The following CELF2 variants were observed in gnomAD, a reference collection of about 807,000 sequenced individuals.
CELF2 encodes CUGBP Elav-like family member 2, also known as CUG triplet repeat RNA-binding protein 2.
In CELF2, 8 loss-of-function variants were observed where a neutral mutation model predicts 62.6. The observed-to-expected ratio is 0.13, with a 90% CI of 0.07 to 0.23. The LOEUF (loss-of-function observed/expected upper bound fraction) is 0.23, where lower values mean the gene tolerates loss of function less well. Ranked by LOEUF, CELF2 falls within the 10% of genes least tolerant of loss-of-function variation. The pLI is 1.00. For synonymous variants in CELF2, 258 were observed against 250.0 expected (o/e 1.03, Z -0.30); for missense variants, 333 against 671.0 (o/e 0.50, Z 5.56).
chr10:10,518,271 C>T, the CELF2 span, among the ~76,000 whole-genome samples: 1 of 152,166 alleles, frequency 6.6e-6, no homozygotes, highest in Non-Finnish European at 1.5e-5. Flanking sequence ...TCTCCTAAGC[C>T]CTGCACTCTA....
chr10:11,060,870 A>G (rs1372039090), intron 1 of CELF2, among the ~76,000 whole-genome samples: 1 of 152,194 alleles, frequency 6.6e-6, no homozygotes, highest in Non-Finnish European at 1.5e-5. Context: ...AACAGTTCCC[A>G]TAGAAGACAG....
chr10:11,172,639 A>T (rs2069310343), intron 2 of CELF2, among the ~76,000 whole-genome samples: 1 of 152,214 alleles, frequency 6.6e-6, no homozygotes. Context: ...CTGGCAGATA[A>T]TACCTATCAT....
At chr10:10,904,394 A>G (rs140143676) in intron 1 of CELF2, among the ~76,000 whole-genome samples, 1 of 151,546 alleles carries the variant, frequency 6.6e-6, no homozygotes, top group African/African-American at 2.4e-5. Flanking sequence ...GCCTGATAAT[A>G]TTTTTATTTT....
the CELF2 span, among the ~76,000 whole-genome samples, chr10:10,561,066 G>A: frequency 6.6e-6 from 1 of 151,982 alleles, no homozygotes; most frequent in African/African-American, 2.4e-5. Context: ...TATGGTACAG[G>A]GTATACTGCT....
At chr10:11,097,994 A>G (rs2142305820) in intron 1 of CELF2, 1 of 152,474 alleles carries the variant, frequency 6.6e-6, no homozygotes, top group Non-Finnish European at 1.5e-5. Flanking sequence ...TGTTCCAGTC[A>G]AAGCCACACT....
chr10:10,646,269 C>G, the CELF2 span, among the ~76,000 whole-genome samples: 1 of 152,200 alleles, frequency 6.6e-6, no homozygotes, highest in Admixed American at 6.5e-5. Context: ...ACCTACTTCA[C>G]AATTTCCCTA....
chr10:10,792,020 C>CGGAGGAAGGAAGGAGGGAGAG, the CELF2 span, among the ~76,000 whole-genome samples: 118 of 103,310 alleles, frequency 1.1e-3, 1 homozygote, highest in African/African-American at 4.5e-3. Context: ...AGGAGGGAGA[C>CGGAGGAAGGAAGGAGGGAGAG]AGGGAGGAAG....
At chr10:10,857,249 C>A (rs2059769645) in intron 1 of CELF2, among the ~76,000 whole-genome samples, 1 of 152,076 alleles carries the variant, frequency 6.6e-6, no homozygotes, top group Admixed American at 6.6e-5. Context: ...AAAGAACAAC[C>A]AGGGATTCTA....
At chr10:10,552,460 T>C in the CELF2 span, among the ~76,000 whole-genome samples, 1 of 152,206 alleles carries the variant, frequency 6.6e-6, no homozygotes, top group African/African-American at 2.4e-5. Context: ...ACAAAACCTC[T>C]TGTGGCTTGT....
rs945775398 is a variant in CELF2 at position 11,220,097 on chromosome 10, A to C, written c.354+2590A>C. ...AAACTAAAAGTGATAAAGAAAAAAT[A>C]CATCACCAGCTGACACTTTAAAGCT... On this transcript the variant is annotated intron_variant, in intron 3 of 12. Transcript: ENST00000633077. The surrounding 1 kb of genome is among the most constrained non-coding windows in gnomAD (Gnocchi z 4.4). Among the ~76,000 whole-genome samples the C allele has an allele frequency of 6.6e-6, 1 of 152,254 alleles. No individual in the cohort carries two copies. Among genetic ancestry groups the C allele is most frequent in the African/African-American group, 2.4e-5 (1 of 41,464 alleles).
chr10:10,489,904 G>A, the CELF2 span, among the ~76,000 whole-genome samples: 3 of 152,018 alleles, frequency 2.0e-5, no homozygotes, highest in African/African-American at 7.2e-5. Context: ...TACAGGTTTG[G>A]GGGGAGGGTG....
At chr10:10,578,962 A>G in the CELF2 span, among the ~76,000 whole-genome samples, 1 of 152,174 alleles carries the variant, frequency 6.6e-6, no homozygotes. Context: ...CTACATCATA[A>G]TCTCCTGATC....
chr10:10,841,731 A>T (rs1380555147), intron 1 of CELF2, among the ~76,000 whole-genome samples: 1 of 152,028 alleles, frequency 6.6e-6, no homozygotes, highest in Admixed American at 6.6e-5. Flanking sequence ...TTTCCTCTTC[A>T]GTATTGTTTT....
At position 10,845,988 on chromosome 10, in the gene CELF2, G is replaced by A. The variant is rs531231832; in HGVS notation, c.53+47171G>A. On this transcript the variant is annotated intron_variant, in intron 1 of 13. Transcript: ENST00000636488. ...TTAATTCAATATGGTACATCAAGAC[G>A]TAAGTGCGTCTGTGTGTCTCAGCTT... 258 of 289,716 alleles carry A rather than the reference G, an allele frequency of 8.9e-4. 2 individuals carry two copies. The highest frequency in any genetic ancestry group is 6.8e-4 in the Non-Finnish European group (131 of 194,066). 17.9% of individuals were successfully genotyped at this position (289,716 alleles called of 1,614,324 possible).
At chr10:10,752,675 C>G in the CELF2 span, among the ~76,000 whole-genome samples, 9 of 90,950 alleles carry the variant, frequency 9.9e-5, no homozygotes, top group African/African-American at 3.3e-4. Context: ...GATGACAGAG[C>G]AAGACTCCGT....
intron 9 of CELF2, among the ~76,000 whole-genome samples, chr10:11,310,741 G>A (rs939930087): frequency 5.9e-5 from 9 of 151,718 alleles, no homozygotes; most frequent in Admixed American, 1.3e-4. Context: ...GCAGTCCCTA[G>A]AAAATACCCC....
chr10:10,923,885 T>G (rs1022564036), intron 2 of CELF2: 1 of 152,232 alleles, frequency 6.6e-6, no homozygotes, highest in Non-Finnish European at 1.5e-5. Context: ...TGCTTTTATT[T>G]TTGCTTGTAG....
At chr10:10,796,931 T>C, upstream of CELF2, 1 of 979,074 alleles carries the variant, frequency 1.0e-6, no homozygotes, top group Non-Finnish European at 1.2e-6. Flanking sequence ...AATTTTAGTC[T>C]AGAGACAGTT....
intron 3 of CELF2, among the ~76,000 whole-genome samples, chr10:11,239,317 C>T (rs2072860531): frequency 1.3e-5 from 2 of 152,082 alleles, no homozygotes; most frequent in Non-Finnish European, 2.9e-5. Flanking sequence ...GCCTGATAAG[C>T]CAAAATCAGA....
Sources: allele counts gnomAD v4.1 joint callset (sites outside exome capture counted in the v4.1 genomes callset), GRCh38; gene constraint gnomAD v4.1.1; non-coding constraint Gnocchi (gnomAD v3.1); transcripts MANE v1.5; gene names NCBI Gene and HGNC (gene_info 2026-07-23, HGNC 2026-07-21).